The following MGST1 variants were observed in gnomAD, a reference collection of about 807,000 sequenced individuals.
MGST1 encodes glutathione S-transferase 12.
A neutral mutation model predicts 8.9 loss-of-function variants in MGST1; 5 were observed. The ratio of observed to expected loss-of-function variants is 0.56; its 90% CI spans 0.29 to 1.19. The LOEUF (loss-of-function observed/expected upper bound fraction) is 1.19. MGST1 is among the 50% of genes most tolerant of loss of function. The probability of loss-of-function intolerance (pLI) is 0.08; values close to 1 mark genes in which losing one functional copy is unlikely to be tolerated. For missense variants in MGST1, 182 were observed against 187.4 expected, an observed-to-expected ratio of 0.97 and a Z score of 0.17; for synonymous variants, 54 against 67.8, an observed-to-expected ratio of 0.80 and a Z score of 1.00.
At chr12:16,450,379 T>C (rs1013147170) in intron 4 of MGST1, among the ~76,000 whole-genome samples, 1 of 151,868 alleles carries the variant, frequency 6.6e-6, no homozygotes, top group South Asian at 2.1e-4. Context: ...AAAGGGCTGC[T>C]GAAACAACAA....
At chr12:16,370,494 G>A (rs1180704371) in intron 3 of MGST1, 1 of 152,130 alleles carries the variant, frequency 6.6e-6, no homozygotes, top group East Asian at 1.9e-4. Context: ...AGTGTTTGCT[G>A]AAATAATTGT....
intron 4 of MGST1, among the ~76,000 whole-genome samples, chr12:16,567,924 C>T (rs1187636674): frequency 6.6e-6 from 1 of 152,032 alleles, no homozygotes; most frequent in Non-Finnish European, 1.5e-5. Flanking sequence ...TACTGAGTAG[C>T]GATCATGATC....
In MGST1 at chr12:16,357,863, C is replaced by T. The variant is rs9332920; in HGVS notation, c.221+164C>T. Among the ~76,000 whole-genome samples, 380 of 152,302 alleles carry T rather than the reference C, an allele frequency of 2.5e-3. 3 individuals carry two copies. In the East Asian group the frequency reaches 0.052, roughly 21 times the overall value. On this transcript the variant is annotated intron_variant, in intron 3 of 3. Transcript: ENST00000396210. ...CTGGATGTCTGAAATTGACACACTG[C>T]ACTTGTATGTGTTGCCAATTTGGCA...
chr12:16,439,023 G>A (rs1941015285), downstream of MGST1, among the ~76,000 whole-genome samples: 1 of 151,600 alleles, frequency 6.6e-6, no homozygotes, highest in Non-Finnish European at 1.5e-5. Flanking sequence ...AGCTCAAAGA[G>A]TCTGACAACA....
At chr12:16,524,669 C>T (rs1420304943) in intron 4 of MGST1, among the ~76,000 whole-genome samples, 1 of 152,020 alleles carries the variant, frequency 6.6e-6, no homozygotes, top group Non-Finnish European at 1.5e-5. Flanking sequence ...GTTTGTTCAA[C>T]CTAAACTTCA....
chr12:16,535,427 T>A (rs1268085380), intron 4 of MGST1, among the ~76,000 whole-genome samples: 1 of 152,134 alleles, frequency 6.6e-6, no homozygotes, highest in African/African-American at 2.4e-5. Flanking sequence ...TATAAAGAGT[T>A]TTAGTATAAG....
At chr12:16,348,695 C>T (rs1190821013) in intron 1 of MGST1, among the ~76,000 whole-genome samples, 1 of 151,902 alleles carries the variant, frequency 6.6e-6, no homozygotes, top group Non-Finnish European at 1.5e-5. Context: ...CCAGCCTACA[C>T]CTACCTTTTG....
At position 16,482,722 on chromosome 12, in the gene MGST1, C is replaced by T. The variant is rs1351543943; in HGVS notation, n.482+99118C>T. Among the ~76,000 whole-genome samples, 1 of 151,918 alleles carries T rather than the reference C, an allele frequency of 6.6e-6. No homozygotes were observed. The highest frequency in any genetic ancestry group is 1.5e-5 in the Non-Finnish European group (1 of 67,990). On this transcript the variant is annotated intron_variant and non_coding_transcript_variant, in intron 4 of 4. Coordinates refer to the MGST1 transcript ENST00000538857. This position sits in a 1 kb window ranked among gnomAD's most constrained non-coding sequence, Gnocchi z 4.2. ...TGATTGTTCTAGAGACAGGTATGTTCTGGAGAAGGGAAAAGATAATGGCTG... is the reference window on the plus strand; with the variant it reads ...TGATTGTTCTAGAGACAGGTATGTTTTGGAGAAGGGAAAAGATAATGGCTG...
Position 16,577,573 on chromosome 12 carries a change from T to C in MGST1, n.483-11955T>C, listed in dbSNP as rs535965106. On this transcript the variant is annotated intron_variant and non_coding_transcript_variant, in intron 4 of 4. Transcript: ENST00000538857. ...TAGATGTTGTATATAATAAAACAAATAAGAATTTCCCCTGTTCACAAAACG... is the reference window on the plus strand; with the variant it reads ...TAGATGTTGTATATAATAAAACAAACAAGAATTTCCCCTGTTCACAAAACG... Among the ~76,000 whole-genome samples the C allele has an allele frequency of 4.6e-5, 7 of 152,258 alleles. No homozygotes were observed. The South Asian group carries it at 1.2e-3, about 27-fold the overall frequency.
chr12:16,439,627 G>A (rs746331095), downstream of MGST1, among the ~76,000 whole-genome samples: 1 of 151,678 alleles, frequency 6.6e-6, no homozygotes, highest in Non-Finnish European at 1.5e-5. Flanking sequence ...CAAGGTGGAG[G>A]GGTAGAAGGT....
At position 16,587,513 on chromosome 12, in the gene MGST1, T is replaced by A. The variant is rs867676791; in HGVS notation, n.483-2015T>A. Among the ~76,000 whole-genome samples, 2 of 152,186 alleles carry A rather than the reference T, an allele frequency of 1.3e-5. No individual in the cohort carries two copies. The highest frequency in any genetic ancestry group is 2.4e-5 in the African/African-American group (1 of 41,446). On this transcript the variant is annotated intron_variant and non_coding_transcript_variant, in intron 4 of 4. Coordinates refer to the MGST1 transcript ENST00000538857. This position sits in a 1 kb window ranked among gnomAD's most constrained non-coding sequence, Gnocchi z 4.3. Reference sequence around the variant, plus strand: ...TAGCAAATAAACTGTGCCTCTTTTTTAAATAAACCCCTGGCCTTGAGTTTT... The same window carrying A: ...TAGCAAATAAACTGTGCCTCTTTTTAAAATAAACCCCTGGCCTTGAGTTTT...
rs746863030 is a variant in MGST1, at chr12:16,584,190, C to T, written n.483-5338C>T. Among the ~76,000 whole-genome samples, 20 of 152,056 alleles carry T rather than the reference C, an allele frequency of 1.3e-4. No homozygotes were observed. The highest frequency in any genetic ancestry group is 3.4e-3 in the Middle Eastern group (1 of 294). The stretch of plus-strand genomic sequence containing the variant: ...GTAAAAGGTAGTATAATTAGATGTA[C>T]GAGTTTTGTTGGAGGATGCATTTTT... On this transcript the variant is annotated intron_variant and non_coding_transcript_variant, in intron 4 of 4. Coordinates refer to the MGST1 transcript ENST00000538857. This position sits in a 1 kb window ranked among gnomAD's most constrained non-coding sequence, Gnocchi z 5.2.
intron 1 of MGST1, among the ~76,000 whole-genome samples, chr12:16,416,691 A>G (rs1436758075): frequency 2.0e-5 from 3 of 152,148 alleles, no homozygotes; most frequent in African/African-American, 2.4e-5. Context: ...TAGTATACAC[A>G]TTTTGGGGGA....
At chr12:16,490,256 C>T (rs1941430291) in intron 4 of MGST1, among the ~76,000 whole-genome samples, 2 of 152,126 alleles carry the variant, frequency 1.3e-5, no homozygotes. Context: ...GACAGAGACC[C>T]TGTCTCAAAA....
intron 4 of MGST1, among the ~76,000 whole-genome samples, chr12:16,552,494 T>C (rs1313534409): frequency 6.6e-6 from 1 of 152,038 alleles, no homozygotes; most frequent in African/African-American, 2.4e-5. Context: ...TTGCAAAGAT[T>C]GGAATGCTAG....
chr12:16,432,420 T>C (rs1289456144), intron 1 of MGST1, among the ~76,000 whole-genome samples: 2 of 152,006 alleles, frequency 1.3e-5, no homozygotes, highest in Non-Finnish European at 1.5e-5. Flanking sequence ...TGAGTACTTA[T>C]GGTCAGTGGG....
intron 4 of MGST1, among the ~76,000 whole-genome samples, chr12:16,569,921 G>A (rs1942756462): frequency 6.6e-6 from 1 of 152,046 alleles, no homozygotes; most frequent in African/African-American, 2.4e-5. Flanking sequence ...AATCACTATA[G>A]CTCCTTGTTC....
chr12:16,533,619 T>A (rs1941735947), intron 4 of MGST1, among the ~76,000 whole-genome samples: 1 of 152,170 alleles, frequency 6.6e-6, no homozygotes, highest in African/African-American at 2.4e-5. Context: ...TAAACTGCAT[T>A]GTCCAACTGA....
chr12:16,464,155 A>G (rs1020379200), intron 4 of MGST1, among the ~76,000 whole-genome samples: 1 of 152,216 alleles, frequency 6.6e-6, no homozygotes, highest in African/African-American at 2.4e-5. Context: ...TACATAAAAG[A>G]TTGTTTTTTA....
Sources: allele counts gnomAD v4.1 joint callset (sites outside exome capture counted in the v4.1 genomes callset), GRCh38; gene constraint gnomAD v4.1.1; non-coding constraint Gnocchi (gnomAD v3.1); transcripts MANE v1.5; gene names NCBI Gene and HGNC (gene_info 2026-07-23, HGNC 2026-07-21).